ANKFN1: variants seen among roughly 807,000 people sequenced by gnomAD.
ANKFN1 encodes the protein ankyrin repeat and fibronectin type-III domain-containing protein 1.
In ANKFN1, 74 loss-of-function variants were observed where a neutral mutation model predicts 108.7. That is an observed-to-expected ratio of 0.68 (90% CI 0.56 to 0.83). The LOEUF (loss-of-function observed/expected upper bound fraction) is 0.83, where lower values mean the gene tolerates loss of function less well. ANKFN1 is among the 40% of genes least tolerant of loss of function. The pLI is 0.00. For synonymous variants in ANKFN1, 547 were observed against 516.2 expected (o/e 1.06, Z -0.81); for missense variants, 1,505 against 1,382.3 (o/e 1.09, Z -1.41).
intron 4 of ANKFN1, among the ~76,000 whole-genome samples, chr17:56,081,027 G>A (rs527406684): frequency 6.3e-4 from 96 of 152,320 alleles, no homozygotes; most frequent in Non-Finnish European, 1.2e-3. Flanking sequence ...GATGCTGGAA[G>A]AGCGTGGAAT....
intron 8 of ANKFN1, among the ~76,000 whole-genome samples, chr17:56,401,499 G>A (rs946134737): frequency 6.6e-6 from 1 of 152,032 alleles, no homozygotes; most frequent in East Asian, 1.9e-4. Flanking sequence ...TGCTGTTGGT[G>A]TATAGAAGAG....
At chr17:56,478,908 C>T (rs1294081218) in intron 16 of ANKFN1, among the ~76,000 whole-genome samples, 2 of 152,104 alleles carry the variant, frequency 1.3e-5, no homozygotes, top group Admixed American at 6.5e-5. Flanking sequence ...TCTAATGTCT[C>T]ACTAGGTTTC....
chr17:56,393,193 A>T (rs1376769088), intron 8 of ANKFN1, among the ~76,000 whole-genome samples: 1 of 152,152 alleles, frequency 6.6e-6, no homozygotes, highest in Non-Finnish European at 1.5e-5. Flanking sequence ...GGCCATTTGT[A>T]TACAATACCT....
chr17:56,274,006 G>A (rs1278495152), intron 3 of ANKFN1, among the ~76,000 whole-genome samples: 1 of 152,134 alleles, frequency 6.6e-6, no homozygotes, highest in African/African-American at 2.4e-5. Context: ...AAGAGCCTGG[G>A]CCAAAATCTC....
intron 4 of ANKFN1, among the ~76,000 whole-genome samples, chr17:56,145,471 C>G (rs1908201798): frequency 6.6e-6 from 1 of 152,128 alleles, no homozygotes; most frequent in Non-Finnish European, 1.5e-5. Flanking sequence ...AAAGGAAAAG[C>G]AGGCACCTTC....
At chr17:56,113,833 T>A (rs1252790231) in intron 4 of ANKFN1, among the ~76,000 whole-genome samples, 1 of 131,738 alleles carries the variant, frequency 7.6e-6, no homozygotes, top group Non-Finnish European at 1.6e-5. Flanking sequence ...ATTGAGAAGG[T>A]CAGATGGATA....
chr17:56,193,068 AG>A (rs1419909735), intron 1 of ANKFN1, among the ~76,000 whole-genome samples: 2 of 90,034 alleles, frequency 2.2e-5, no homozygotes, highest in Non-Finnish European at 4.0e-5. Flanking sequence ...AATGCTATGC[AG>A]CCATAAAAAA....
At chr17:56,385,603 T>C (rs1598500404) in intron 8 of ANKFN1, among the ~76,000 whole-genome samples, 1 of 151,998 alleles carries the variant, frequency 6.6e-6, no homozygotes, top group Non-Finnish European at 1.5e-5. Flanking sequence ...GAATCTACAA[T>C]GAACTCAAAC....
At chr17:56,179,801 T>A (rs970465345) in intron 1 of ANKFN1, among the ~76,000 whole-genome samples, 7 of 152,188 alleles carry the variant, frequency 4.6e-5, no homozygotes, top group African/African-American at 1.7e-4. Flanking sequence ...GAACAGAGCC[T>A]GGTGTTTAGT....
At chr17:56,408,676 A>G (rs1404697125) in intron 8 of ANKFN1, among the ~76,000 whole-genome samples, 1 of 152,192 alleles carries the variant, frequency 6.6e-6, no homozygotes, top group East Asian at 1.9e-4. Context: ...AATTATTTAC[A>G]CCAGGCTAAA....
chr17:56,428,873 T>C (rs1235109971), intron 8 of ANKFN1, among the ~76,000 whole-genome samples: 2 of 152,094 alleles, frequency 1.3e-5, no homozygotes, highest in African/African-American at 2.4e-5. Context: ...TGCTTTTTTT[T>C]TTTTTTTCAT....
chr17:56,498,348 C>T (rs1475376510), intron 19 of ANKFN1, among the ~76,000 whole-genome samples: 2 of 152,108 alleles, frequency 1.3e-5, no homozygotes, highest in Non-Finnish European at 2.9e-5. Flanking sequence ...GACTACATTT[C>T]TTTCTTAAGA....
intron 8 of ANKFN1, among the ~76,000 whole-genome samples, chr17:56,404,980 G>A (rs1207376707): frequency 6.6e-6 from 1 of 152,180 alleles, no homozygotes; most frequent in Non-Finnish European, 1.5e-5. Flanking sequence ...CTGATACTGG[G>A]GAGTGTCTGC....
At chr17:56,258,661 A>C (rs546110100) in intron 3 of ANKFN1, among the ~76,000 whole-genome samples, 5 of 152,330 alleles carry the variant, frequency 3.3e-5, no homozygotes, top group Admixed American at 3.3e-4. Context: ...CTGTAATCCC[A>C]GCACTTTGGG....
At chr17:56,487,530 A>T (rs113018379) in intron 18 of ANKFN1, among the ~76,000 whole-genome samples, 16 of 152,264 alleles carry the variant, frequency 1.1e-4, no homozygotes, top group African/African-American at 3.6e-4. Flanking sequence ...AAAGACAAAA[A>T]AAAAAACTAG....
intron 8 of ANKFN1, among the ~76,000 whole-genome samples, chr17:56,377,847 TTG>T (rs1292899645): frequency 6.6e-6 from 1 of 152,120 alleles, no homozygotes; most frequent in Non-Finnish European, 1.5e-5. Flanking sequence ...ATTTTCGAGT[TTG>T]TGTTTTTTTT....
At chr17:56,081,185 G>A (rs1905241074) in intron 4 of ANKFN1, among the ~76,000 whole-genome samples, 1 of 152,164 alleles carries the variant, frequency 6.6e-6, no homozygotes, top group Non-Finnish European at 1.5e-5. Flanking sequence ...CAGAAGAAGA[G>A]ACCAAGGCAA....
At chr17:56,375,369 G>T (rs568325520) in intron 8 of ANKFN1, among the ~76,000 whole-genome samples, 1 of 152,204 alleles carries the variant, frequency 6.6e-6, no homozygotes, top group Non-Finnish European at 1.5e-5. Context: ...AAGGGAACAA[G>T]TAGAGGGAAT....
intron 20 of ANKFN1, among the ~76,000 whole-genome samples, chr17:56,501,715 TAAG>T (rs2051377263): frequency 6.6e-6 from 1 of 151,972 alleles, no homozygotes; most frequent in African/African-American, 2.4e-5. Context: ...GGAGGTAGAA[TAAG>T]AAGAGGAGAC....
Sources: allele counts gnomAD v4.1 joint callset (sites outside exome capture counted in the v4.1 genomes callset), GRCh38; gene constraint gnomAD v4.1.1; transcripts MANE v1.5; gene names NCBI Gene and HGNC (gene_info 2026-07-23, HGNC 2026-07-21).